CSPP1: variants seen among roughly 807,000 people sequenced by gnomAD.
The protein encoded by CSPP1 is centrosome and spindle pole-associated protein 1.
Under a neutral mutation model 164.4 loss-of-function variants are expected in CSPP1, and 126 were observed. The observed-to-expected ratio is 0.77, with a 90% confidence interval of 0.66 to 0.89. The LOEUF is 0.89. Among genes scored for constraint, CSPP1 ranks in the 40% least tolerant of loss-of-function variants. The pLI is 0.00. For synonymous variants in CSPP1, 472 were observed against 476.7 expected (o/e 0.99, Z 0.13); for missense variants, 1,395 against 1,449.8 (o/e 0.96, Z 0.61).
chr8:67,147,313 G>A (rs1326443873), intron 17 of CSPP1, among the ~76,000 whole-genome samples: 1 of 152,106 alleles, frequency 6.6e-6, no homozygotes, highest in Non-Finnish European at 1.5e-5. Context: ...CTTGGCACTT[G>A]GGAATTTTCT....
At position 67,159,041 on chromosome 8, in the gene CSPP1, A is replaced by G; in HGVS notation, c.2442A>G (p.Lys814=). 1 of 1,612,610 alleles carries G rather than the reference A, an allele frequency of 6.2e-7. No homozygotes were observed. Among genetic ancestry groups the G allele is most frequent in the Non-Finnish European group, 8.5e-7 (1 of 1,179,234 alleles). ...EHIRLAEERQ[K]EAERKKKEEE... ...TTCGGTTAGCTGAAGAAAGACAAAA[A>G]GAAGCAGAAAGAAAGAAGAAAGAAG... Residue 814 remains lysine (K), a synonymous_variant, in exon 21 of 31, where the codon AAA becomes AAG. Coordinates refer to ENST00000678616, the MANE Select transcript of CSPP1 (RefSeq NM_001382391.1).
At chr8:67,065,520 T>C in intron 1 of CSPP1, 1 of 981,978 alleles carries the variant, frequency 1.0e-6, no homozygotes, top group Non-Finnish European at 1.2e-6. Flanking sequence ...GTTGACAAGC[T>C]CCATGGAAGC....
rs1807964327 is a variant in CSPP1 at position 67,076,584 on chromosome 8, A to G, written c.199+3A>G. 6.7e-7 allele frequency: 1 copy of G among 1,490,394 alleles called. No homozygotes were observed. The highest frequency in any genetic ancestry group is 1.4e-5 in the African/African-American group (1 of 70,830). The allele number at this position is 1,490,394 out of a possible 1,614,324, so 92.3% of individuals were successfully genotyped here. Reference sequence around the variant, plus strand: ...TCAACAGACCAGGGGTTCCTTAGGTATGTCATTAGATGTGCTAAACTTATT... The same window carrying G: ...TCAACAGACCAGGGGTTCCTTAGGTGTGTCATTAGATGTGCTAAACTTATT... On this transcript the variant is annotated splice_donor_region_variant and intron_variant, in intron 3 of 30. Coordinates refer to ENST00000678616, the MANE Select transcript of CSPP1 (RefSeq NM_001382391.1).
rs958906269 is a variant in CSPP1 at position 67,074,278 on chromosome 8, T to C, written c.26T>C (p.Ile9Thr). The C allele has an allele frequency of 1.2e-6, 2 of 1,611,270 alleles. No homozygotes were observed. The highest frequency in any genetic ancestry group is 1.7e-6 in the Non-Finnish European group (2 of 1,178,728). MADNLDEF[I>T]EEQKARLAED... is the part of the protein sequence containing the mutation. ...ATGGCTGATAATTTGGATGAATTTA[T>C]TGAAGAGCAAAAAGCCAGATTGGCC... Residue 9 changes from isoleucine (I) to threonine (T), a missense_variant, in exon 2 of 31, where the codon ATT becomes ACT. Coordinates refer to ENST00000678616, the MANE Select transcript of CSPP1 (RefSeq NM_001382391.1).
chr8:67,078,263 G>A (rs182182508), intron 3 of CSPP1, among the ~76,000 whole-genome samples: 13 of 152,160 alleles, frequency 8.5e-5, no homozygotes, highest in South Asian at 4.1e-4. Flanking sequence ...TCAAAAAGTC[G>A]TTATGGGCGA....
intron 2 of CSPP1, among the ~76,000 whole-genome samples, chr8:67,075,380 T>C (rs1302274031): frequency 6.6e-6 from 1 of 152,218 alleles, no homozygotes; most frequent in African/African-American, 2.4e-5. Flanking sequence ...TTTTCTGGTT[T>C]AGCATTTGTC....
chr8:67,111,400 TGGG>T (rs1483491381), intron 9 of CSPP1, among the ~76,000 whole-genome samples: 1 of 152,116 alleles, frequency 6.6e-6, no homozygotes. Context: ...AGAAGGGAGT[TGGG>T]AAGACTGGTA....
intron 15 of CSPP1, among the ~76,000 whole-genome samples, chr8:67,129,563 T>A (rs1027077126): frequency 9.2e-5 from 14 of 152,202 alleles, no homozygotes; most frequent in African/African-American, 3.1e-4. Flanking sequence ...TGGATGTGAA[T>A]GTTTATAGCT....
In CSPP1 at chr8:67,175,332, T is replaced by G; in HGVS notation, c.3005T>G (p.Leu1002Arg). 1 of 1,613,394 alleles carries G rather than the reference T, an allele frequency of 6.2e-7. No homozygotes were observed. The highest frequency in any genetic ancestry group is 8.5e-7 in the Non-Finnish European group (1 of 1,179,348). The change falls in exon 26 of 31, where the codon CTG becomes CGG. Residue 1002 changes from leucine to arginine, a missense_variant. Transcript: ENST00000678616. ...CGAGTTGATCTGAAATTTATGTACC[T>G]GGATCCTCCAAGAGATCATCACACC... ...ETRVDLKFMY[L>R]DPPRDHHTLE...
intron 1 of CSPP1, among the ~76,000 whole-genome samples, chr8:67,068,137 C>A (rs1805977418): frequency 6.6e-6 from 1 of 152,210 alleles, no homozygotes; most frequent in Non-Finnish European, 1.5e-5. Flanking sequence ...GCATGGGCCA[C>A]TGCGCCTGGC....
In CSPP1 at chr8:67,136,071, C is replaced by T. The variant is rs140272746; in HGVS notation, c.1828-1385C>T. On this transcript the variant is annotated intron_variant, in intron 16 of 30. Transcript: ENST00000678616. Reference sequence around the variant, plus strand: ...CATCTTATGTGTGTGTGATTCATGGCGCCCCAAAACAATTATAATAGTAAC... The same window carrying T: ...CATCTTATGTGTGTGTGATTCATGGTGCCCCAAAACAATTATAATAGTAAC... 7.9e-3 allele frequency among the ~76,000 whole-genome samples: 1,199 copies of T among 152,068 alleles called. 7 individuals are homozygous for T. Among genetic ancestry groups the T allele is most frequent in the Middle Eastern group, 0.014 (4 of 294 alleles).
intron 25 of CSPP1, chr8:67,174,788 G>A (rs1831219746): frequency 1.3e-5 from 2 of 153,308 alleles, no homozygotes; most frequent in Admixed American, 6.5e-5. Context: ...AAAAAGAAAT[G>A]GCATTCCCCC....
intron 9 of CSPP1, among the ~76,000 whole-genome samples, chr8:67,110,260 A>AT (rs1490077908): frequency 6.7e-6 from 1 of 150,212 alleles, no homozygotes; most frequent in African/African-American, 2.5e-5. Flanking sequence ...TTCCCAAATG[A>AT]TTTTTCCTTT....
At chr8:67,188,330 G>A (rs1239281157) in intron 28 of CSPP1, among the ~76,000 whole-genome samples, 1 of 152,230 alleles carries the variant, frequency 6.6e-6, no homozygotes, top group Non-Finnish European at 1.5e-5. Context: ...CCTAAGCCTA[G>A]CTGGGAAGGT....
At chr8:67,192,406 T>C (rs944189768) in intron 29 of CSPP1, among the ~76,000 whole-genome samples, 1 of 152,208 alleles carries the variant, frequency 6.6e-6, no homozygotes, top group Admixed American at 6.5e-5. Context: ...ATTGTCTTTT[T>C]ATTGAGTTGT....
intron 24 of CSPP1, among the ~76,000 whole-genome samples, chr8:67,165,955 C>CATTT (rs1223893720): frequency 6.6e-6 from 1 of 152,108 alleles, no homozygotes; most frequent in Non-Finnish European, 1.5e-5. Context: ...TGTCTTCTTC[C>CATTT]ATTTATTTAT....
chr8:67,159,957 C>CCTTCTTTCTTTTCTTTTCT (rs1554605789), intron 21 of CSPP1, among the ~76,000 whole-genome samples: 1 of 20,020 alleles, frequency 5.0e-5, no homozygotes, highest in Non-Finnish European at 8.9e-5. Flanking sequence ...TTCCTTCCTT[C>CCTTCTTTCTTTTCTTTTCT]TTTCTTTTCT....
At chr8:67,144,002 A>T (rs950977373) in intron 17 of CSPP1, among the ~76,000 whole-genome samples, 3 of 152,224 alleles carry the variant, frequency 2.0e-5, no homozygotes, top group African/African-American at 7.2e-5. Context: ...GAGCGCAGAC[A>T]TCCTTGTCTT....
chr8:67,195,355 G>A, intron 30 of CSPP1, 27 bp from the exon 31 acceptor site: 2 of 1,538,870 alleles, frequency 1.3e-6, no homozygotes, highest in South Asian at 1.1e-5. Context: ...TGTGTTACCT[G>A]AGCCACGTGT....
Sources: allele counts gnomAD v4.1 joint callset (sites outside exome capture counted in the v4.1 genomes callset), GRCh38; gene constraint gnomAD v4.1.1; transcripts MANE v1.5; gene names NCBI Gene and HGNC (gene_info 2026-07-23, HGNC 2026-07-21).